SRC: variants seen among roughly 807,000 people sequenced by gnomAD.
The protein encoded by SRC is SRC proto-oncogene, non-receptor tyrosine kinase, also known as proto-oncogene tyrosine-protein kinase Src.
In SRC, 13 loss-of-function variants were observed where a neutral mutation model predicts 62.9. The observed-to-expected ratio is 0.21, with a 90% CI of 0.13 to 0.33. The LOEUF (loss-of-function observed/expected upper bound fraction) is 0.33, where lower values mean the gene tolerates loss of function less well. Among genes scored for constraint, SRC ranks in the 10% least tolerant of loss-of-function variants. The pLI, the probability that SRC is intolerant of heterozygous loss-of-function variation, is 1.00. For synonymous variants in SRC, 302 were observed against 317.5 expected, an observed-to-expected ratio of 0.95 and a Z score of 0.52; for missense variants, 457 against 737.3, an observed-to-expected ratio of 0.62 and a Z score of 4.40.
intron 2 of SRC, among the ~76,000 whole-genome samples, chr20:37,373,407 G>A (rs983924909): frequency 2.7e-4 from 38 of 142,980 alleles, no homozygotes; most frequent in African/African-American, 1.0e-3. Context: ...GTATATATAC[G>A]CATATATACG....
chr20:37,373,183 C>A (rs943895809), intron 2 of SRC, among the ~76,000 whole-genome samples: 1 of 150,946 alleles, frequency 6.6e-6, no homozygotes, highest in East Asian at 1.9e-4. Flanking sequence ...CACACATACA[C>A]ATGTATACAT....
Position 37,398,440 on chromosome 20 carries a change from G to A in SRC, c.859+586G>A, listed in dbSNP as rs987229166. Among the ~76,000 whole-genome samples, 6 of 152,216 alleles carry A rather than the reference G, an allele frequency of 3.9e-5. No homozygotes were observed. The highest frequency in any genetic ancestry group is 5.9e-5 in the Non-Finnish European group (4 of 68,032). On this transcript the variant is annotated intron_variant, in intron 9 of 13. Transcript: ENST00000373578. The surrounding 1 kb of genome is among the most constrained non-coding windows in gnomAD (Gnocchi z 5.2). ...CCGGAGGCCAGGGTGGAGGAGAGAC[G>A]GCGGTTGTAACCCCGTAAGCCCATG...
chr20:37,380,853 A>AT (rs1034247795), intron 2 of SRC, among the ~76,000 whole-genome samples: 6 of 150,726 alleles, frequency 4.0e-5, no homozygotes, highest in African/African-American at 1.5e-4. Flanking sequence ...ATTTTCTTTT[A>AT]TTTTTTCTTT....
In SRC at chr20:37,402,954, C is replaced by A; in HGVS notation, c.1402+74C>A. 7 of 1,526,868 alleles carry A rather than the reference C, an allele frequency of 4.6e-6. No individual in the cohort carries two copies. Among genetic ancestry groups the A allele is most frequent in the Non-Finnish European group, 6.2e-6 (7 of 1,137,850 alleles). The allele number at this position is 1,526,868 out of a possible 1,614,324, so 94.6% of individuals were successfully genotyped here. On this transcript the variant is annotated intron_variant, in intron 13 of 13. Transcript: ENST00000373578. The surrounding 1 kb of genome is among the most constrained non-coding windows in gnomAD (Gnocchi z 6.2). ...TGGTGGCCTTGGGCAAGTCATGACT[C>A]CTGCTGGGCCTGTTTCCCCACCCGT...
At chr20:37,354,684 TCCTCAAGGC>T (rs2069854266) in intron 1 of SRC, among the ~76,000 whole-genome samples, 1 of 152,150 alleles carries the variant, frequency 6.6e-6, no homozygotes, top group Non-Finnish European at 1.5e-5. Flanking sequence ...TTGTGCCAAG[TCCTCAAGGC>T]TGGGCCTGGT....
rs200786545 is a variant in SRC at position 37,384,102 on chromosome 20, G to A, written c.-4-48G>A. 159 of 1,585,860 alleles carry A rather than the reference G, an allele frequency of 1.0e-4. No homozygotes were observed. The highest frequency in any genetic ancestry group is 1.7e-4 in the Middle Eastern group (1 of 6,006). The stretch of plus-strand genomic sequence containing the variant: ...TGGGTGGGAGGGAGGCCGGCCAAGG[G>A]GCCCCGGCAGCCCTGCCTGTTCCAG... On this transcript the variant is annotated intron_variant, in intron 3 of 13. Transcript: ENST00000373578. The surrounding 1 kb of genome is among the most constrained non-coding windows in gnomAD (Gnocchi z 6.7).
intron 1 of SRC, among the ~76,000 whole-genome samples, chr20:37,352,422 A>G (rs2069818139): frequency 6.6e-6 from 1 of 152,142 alleles, no homozygotes; most frequent in Non-Finnish European, 1.5e-5. Context: ...AGTGGGGGGA[A>G]GATTAACTAG....
At chr20:37,379,647 C>T (rs1010282246) in intron 2 of SRC, among the ~76,000 whole-genome samples, 3 of 151,610 alleles carry the variant, frequency 2.0e-5, no homozygotes, top group African/African-American at 7.3e-5. Context: ...TTGCTTGAAC[C>T]TGGGAGGCGA....
In SRC at chr20:37,397,169, C is replaced by CG. The variant is rs1327398574; in HGVS notation, c.704-530_704-529insG. ...CACCTGCTCCCTGCGCCCCTTTGTC[C>CG]TCCGCTTCTCCAGCCCTGCAGCTGT... On this transcript the variant is annotated intron_variant, in intron 8 of 13. Transcript: ENST00000373578. The surrounding 1 kb of genome is among the most constrained non-coding windows in gnomAD (Gnocchi z 4.1). Among the ~76,000 whole-genome samples the CG allele has an allele frequency of 3.9e-5, 6 of 152,206 alleles. No individual in the cohort carries two copies. Among genetic ancestry groups the CG allele is most frequent in the Non-Finnish European group, 8.8e-5 (6 of 68,038 alleles).
rs1272811430 is a variant in SRC, at chr20:37,384,433, C to T, written c.250+30C>T. 7.6e-7 allele frequency: 1 copy of T among 1,320,834 alleles called. No individual in the cohort carries two copies. The highest frequency in any genetic ancestry group is 2.1e-5 in the South Asian group (1 of 46,956). 81.8% of individuals were successfully genotyped at this position (1,320,834 alleles called of 1,614,324 possible). Reference sequence around the variant, plus strand: ...GTGCGCGGGCGGCGCGGGGTCCTCGCCCACCTGGGGCCACGGCGGGGAGGC... The same window carrying T: ...GTGCGCGGGCGGCGCGGGGTCCTCGTCCACCTGGGGCCACGGCGGGGAGGC... On this transcript the variant is annotated intron_variant, in intron 4 of 13. Transcript: ENST00000373578. The surrounding 1 kb of genome is among the most constrained non-coding windows in gnomAD (Gnocchi z 6.7).
intron 1 of SRC, among the ~76,000 whole-genome samples, chr20:37,349,236 G>A (rs1229864143): frequency 2.0e-5 from 3 of 152,214 alleles, no homozygotes; most frequent in African/African-American, 7.2e-5. Flanking sequence ...AAGAGGAGCG[G>A]GTATTTGAGG....
intron 2 of SRC, among the ~76,000 whole-genome samples, chr20:37,369,341 G>A (rs1016979248): frequency 1.3e-5 from 2 of 152,102 alleles, no homozygotes; most frequent in Non-Finnish European, 1.5e-5. Context: ...TTTTTTTGTA[G>A]TTTTCGGAGT....
In SRC at chr20:37,400,151, C is replaced by A; in HGVS notation, c.896C>A (p.Thr299Asn). Residue 299 changes from threonine to asparagine, a missense_variant, in exon 10 of 14, where the codon ACC (threonine) becomes AAC (asparagine). Coordinates refer to ENST00000373578, the MANE Select transcript of SRC (RefSeq NM_198291.3). ...GGTACCACCAGGGTGGCCATCAAAA[C>A]CCTGAAGCCTGGCACGATGTCTCCA... ...WNGTTRVAIK[T>N]LKPGTMSPEA... 1.2e-6 allele frequency: 2 copies of A among 1,612,926 alleles called. No homozygotes were observed. The highest frequency in any genetic ancestry group is 1.7e-6 in the Non-Finnish European group (2 of 1,179,594).
chr20:37,373,247 C>T (rs556182004), intron 2 of SRC, among the ~76,000 whole-genome samples: 2 of 88,518 alleles, frequency 2.3e-5, no homozygotes, highest in East Asian at 6.3e-4. Context: ...CATATGTACA[C>T]ACGCACACAC....
In SRC at chr20:37,394,002, C is replaced by T. The variant is rs56182609; in HGVS notation, c.449+9C>T. 14,154 of 1,612,406 alleles carry T rather than the reference C, an allele frequency of 8.8e-3. 106 individuals carry two copies. The highest frequency in any genetic ancestry group is 0.023 in the South Asian group (2,090 of 91,004). ...TCCATCCAGGCTGAGGAGTGAGTAC[C>T]GTCTCTGGCTGCCTCTACCCGTCGT... is the stretch of plus-strand genomic sequence containing the variant. On this transcript the variant is annotated intron_variant, in intron 6 of 13. Transcript: ENST00000373578.
In SRC at chr20:37,405,560, T is replaced by C. The variant is rs1306098482; in HGVS notation, c.*2181T>C. The C allele has an allele frequency of 5.7e-6, 1 of 176,640 alleles. No individual in the cohort carries two copies. Among genetic ancestry groups the C allele is most frequent in the Admixed American group, 6.3e-5 (1 of 15,772 alleles). 10.9% of individuals were successfully genotyped at this position (176,640 alleles called of 1,614,324 possible). The stretch of plus-strand genomic sequence containing the variant: ...AGGCCAAGGCAGGGGTGACATCAGA[T>C]TGGAGACAGCTACGGCAGAATGTGG... On this transcript the variant is annotated 3_prime_UTR_variant, in exon 14 of 14. Coordinates refer to ENST00000373578, the MANE Select transcript of SRC (RefSeq NM_198291.3).
chr20:37,394,093 C>A, intron 6 of SRC, 81 bp from the exon 7 acceptor site: 6 of 1,553,700 alleles, frequency 3.9e-6, no homozygotes, highest in Non-Finnish European at 5.3e-6. Flanking sequence ...TGTCCAGCGC[C>A]CCAGCCATAT....
At position 37,384,253 on chromosome 20, in the gene SRC, G is replaced by C. The variant is rs1288993928; in HGVS notation, c.100G>C (p.Ala34Pro). ...VHGAGGGAFP[A>P]SQTPSKPASA... ...CGGCGCTGGCGGGGGCGCTTTCCCC[G>C]CCTCGCAGACCCCCAGCAAGCCAGC... Residue 34 changes from alanine to proline, a missense_variant, in exon 4 of 14, where the codon GCC (alanine) becomes CCC (proline). By Grantham distance (27) the Ala-to-Pro change is conservative. This residue lies in a region of SRC where 132 missense variants were observed against 135.4 expected (regional missense o/e 0.98). Transcript: ENST00000373578. The surrounding 1 kb of genome is among the most constrained non-coding windows in gnomAD (Gnocchi z 6.7). 2.6e-6 allele frequency: 4 copies of C among 1,563,400 alleles called. No homozygotes were observed. The African/African-American group carries it at 5.6e-5, about 22-fold the overall frequency.
intron 1 of SRC, among the ~76,000 whole-genome samples, chr20:37,354,875 T>G (rs569458086): frequency 6.6e-6 from 1 of 152,346 alleles, no homozygotes; most frequent in East Asian, 1.9e-4. Context: ...GGAGTCTTCC[T>G]CACCGGGCTG....
Sources: allele counts gnomAD v4.1 joint callset (sites outside exome capture counted in the v4.1 genomes callset), GRCh38; gene constraint gnomAD v4.1.1; regional missense constraint gnomAD v4.1.1; non-coding constraint Gnocchi (gnomAD v3.1); transcripts MANE v1.5; gene names NCBI Gene and HGNC (gene_info 2026-07-23, HGNC 2026-07-21).